The following DUOX1 variants were observed in gnomAD, a reference collection of about 807,000 sequenced individuals.
The protein encoded by DUOX1 is NADPH thyroid oxidase 1.
A neutral mutation model predicts 181.8 loss-of-function variants in DUOX1; 134 were observed. That is an observed-to-expected ratio of 0.74 (90% confidence interval 0.64 to 0.85). The LOEUF is 0.85. Among genes scored for constraint, DUOX1 ranks in the 40% least tolerant of loss-of-function variants. The probability of loss-of-function intolerance (pLI) is 0.00; values close to 1 mark genes in which losing one functional copy is unlikely to be tolerated. For missense variants in DUOX1, 1,814 were observed against 2,064.4 expected (o/e 0.88, Z 2.35); for synonymous variants, 798 against 832.5 (o/e 0.96, Z 0.71).
Position 45,145,055 on chromosome 15 carries a change from C to T in DUOX1, c.2297C>T (p.Thr766Ile). The change falls in exon 18 of 34, where the codon ACC (threonine) becomes ATC (isoleucine). Residue 766 changes from threonine (T) to isoleucine (I), a missense_variant. Thr to Ile is a moderately conservative substitution (Grantham distance 89). Coordinates refer to ENST00000389037, the MANE Select transcript of DUOX1 (RefSeq NM_175940.3). ...TREQRRHLLE[T>I]FFRHLFSQVL... ...GAGCAGCGGAGGCACCTCCTGGAGA[C>T]CTTTTTCAGGCACCTTTTCTCCCAG... 6.2e-7 allele frequency: 1 copy of T among 1,608,770 alleles called. No homozygotes were observed. The highest frequency in any genetic ancestry group is 1.1e-5 in the South Asian group (1 of 90,182).
intron 1 of DUOX1, 78 bp from the exon 2 acceptor site, chr15:45,131,840 G>A: frequency 9.7e-7 from 1 of 1,028,140 alleles, no homozygotes; most frequent in Non-Finnish European, 1.5e-6. Context: ...CCCAGGCCTT[G>A]ATTCACAGAG....
In DUOX1 at chr15:45,151,892, C is replaced by T; in HGVS notation, c.3033C>T (p.Pro1011=). 2 of 1,613,050 alleles carry T rather than the reference C, an allele frequency of 1.2e-6. No individual in the cohort carries two copies. Among genetic ancestry groups the T allele is most frequent in the Non-Finnish European group, 1.7e-6 (2 of 1,179,542 alleles). ...CTCCCAGGGTAACGTCATTCCAGCC[C>T]TTGCTGTTCACTGAGGCGCACCGAG... ...RFGKKVTSFQ[P]LLFTEAHREK... Residue 1011 remains proline, a synonymous_variant, in exon 24 of 34, where the codon CCC becomes CCT. Coordinates refer to ENST00000389037, the MANE Select transcript of DUOX1 (RefSeq NM_175940.3).
chr15:45,163,590 T>A lies in DUOX1; in HGVS notation c.4307T>A (p.Ile1436Asn). The A allele has an allele frequency of 1.2e-6, 2 of 1,614,046 alleles. No individual in the cohort carries two copies. Among genetic ancestry groups the A allele is most frequent in the Non-Finnish European group, 1.7e-6 (2 of 1,179,994 alleles). The part of the protein sequence containing the change: ...QRQFEWLADI[I>N]REVEENDHQD... Reference sequence around the variant, plus strand: ...CAGTTTGAGTGGCTGGCTGACATCATCCGAGAGGTGGAGGAGAATGACCAC... The same window carrying A: ...CAGTTTGAGTGGCTGGCTGACATCAACCGAGAGGTGGAGGAGAATGACCAC... The change falls in exon 32 of 34, where the codon ATC (isoleucine) becomes AAC (asparagine). Residue 1436 changes from isoleucine (I) to asparagine (N), a missense_variant. Coordinates refer to ENST00000389037, the MANE Select transcript of DUOX1 (RefSeq NM_175940.3).
intron 21 of DUOX1, 164 bp from the exon 22 acceptor site, chr15:45,150,468 T>C (rs547219444): frequency 3.2e-4 from 206 of 639,944 alleles, no homozygotes; most frequent in Middle Eastern, 8.6e-4. Context: ...CCAGCTCCCA[T>C]TGGGGACAAG....
At chr15:45,148,560 A>G in intron 21 of DUOX1, 113 bp downstream of exon 21, 1 of 1,236,246 alleles carries the variant, frequency 8.1e-7, no homozygotes, top group Non-Finnish European at 1.1e-6. Context: ...AATCAGAAGA[A>G]AAAAATGAAT....
At chr15:45,132,833 A>G (rs1298143672) in intron 2 of DUOX1, among the ~76,000 whole-genome samples, 1 of 152,204 alleles carries the variant, frequency 6.6e-6, no homozygotes, top group African/African-American at 2.4e-5. Flanking sequence ...CTGTCCTGCA[A>G]AGGCTCTCTC....
chr15:45,153,546 G>A (rs907136249), intron 26 of DUOX1, 67 bp downstream of exon 26: 19 of 277,864 alleles, frequency 6.8e-5, no homozygotes, highest in South Asian at 3.1e-4. Context: ...GTGTGTGTGT[G>A]TATAATGGGG....
At chr15:45,152,253 A>T in intron 24 of DUOX1, 33 bp from the exon 25 acceptor site, 1 of 1,589,846 alleles carries the variant, frequency 6.3e-7, no homozygotes, top group Admixed American at 1.7e-5. Flanking sequence ...CTCTGCACTG[A>T]CCCTCGCTTG....
intron 27 of DUOX1, among the ~76,000 whole-genome samples, chr15:45,154,786 C>T (rs1472854529): frequency 6.6e-6 from 1 of 152,150 alleles, no homozygotes; most frequent in African/African-American, 2.4e-5. Flanking sequence ...ATCTTCTTAA[C>T]TTCTGCCTCT....
chr15:45,141,208 T>G, intron 13 of DUOX1, 84 bp from the exon 14 acceptor site: 1 of 1,575,450 alleles, frequency 6.3e-7, no homozygotes, highest in Admixed American at 1.7e-5. Flanking sequence ...TGGGTCTCTT[T>G]TCTCACCTGG....
At chr15:45,146,550 T>C (rs907408437) in intron 18 of DUOX1, among the ~76,000 whole-genome samples, 3 of 152,210 alleles carry the variant, frequency 2.0e-5, no homozygotes, top group Admixed American at 2.0e-4. Context: ...ACCACTTTTG[T>C]TGATCTCGCA....
intron 4 of DUOX1, 71 bp downstream of exon 4, chr15:45,134,380 C>T (rs1896232437): frequency 6.7e-6 from 10 of 1,486,612 alleles, no homozygotes; most frequent in South Asian, 1.3e-5. Flanking sequence ...GAAGAGGGGT[C>T]AGAGGATGAG....
rs1475637364 is a variant in DUOX1 at position 45,130,016 on chromosome 15, CGA to C, written c.-126_-125del. 1 of 152,260 alleles carries C rather than the reference CGA, an allele frequency of 6.6e-6. No homozygotes were observed. The highest frequency in any genetic ancestry group is 1.5e-5 in the Non-Finnish European group (1 of 68,088). 9.4% of individuals were successfully genotyped at this position (152,260 alleles called of 1,614,324 possible). ...GGCGCAGAGCTGCAGAGGCACCGGACGAGAGAGGGCTCCGCGGGCCCAGCTGG... is the reference window on the plus strand; with the variant it reads ...GGCGCAGAGCTGCAGAGGCACCGGACGAGAGGGCTCCGCGGGCCCAGCTGG... On this transcript the variant is annotated 5_prime_UTR_variant, in exon 1 of 34. Coordinates refer to ENST00000389037, the MANE Select transcript of DUOX1 (RefSeq NM_175940.3).
chr15:45,137,496 T>C (rs990885421), intron 9 of DUOX1, among the ~76,000 whole-genome samples: 3 of 152,114 alleles, frequency 2.0e-5, no homozygotes, highest in Non-Finnish European at 2.9e-5. Context: ...TTAGATTTAC[T>C]CTGGAATAAT....
At chr15:45,130,703 T>C (rs938329922) in intron 1 of DUOX1, among the ~76,000 whole-genome samples, 9 of 152,248 alleles carry the variant, frequency 5.9e-5, no homozygotes, top group Non-Finnish European at 1.3e-4. Context: ...TTATTAAGCA[T>C]GTCCACCTTC....
At chr15:45,135,394 C>A (rs1197696765) in intron 5 of DUOX1, 80 bp from the exon 6 acceptor site, 1 of 1,500,986 alleles carries the variant, frequency 6.7e-7, no homozygotes, top group Non-Finnish European at 8.8e-7. Context: ...ACTCCCCAGC[C>A]GCGGACACCC....
At position 45,152,266 on chromosome 15, in the gene DUOX1, TGCCTG is replaced by T; in HGVS notation, c.3194-18_3194-14del. 1 of 1,607,404 alleles carries T rather than the reference TGCCTG, an allele frequency of 6.2e-7. No individual in the cohort carries two copies. The highest frequency in any genetic ancestry group is 8.5e-7 in the Non-Finnish European group (1 of 1,175,938). On this transcript the variant is annotated splice_polypyrimidine_tract_variant and intron_variant, in intron 24 of 33. Coordinates refer to ENST00000389037, the MANE Select transcript of DUOX1 (RefSeq NM_175940.3). ...TCCTCTGCACTGACCCTCGCTTGCC[TGCCTG>T]GGCCCCCTCCACAGACTACGCCTTT...
At chr15:45,160,378 G>A (rs564780952) in intron 28 of DUOX1, among the ~76,000 whole-genome samples, 2 of 152,346 alleles carry the variant, frequency 1.3e-5, no homozygotes, top group East Asian at 3.9e-4. Flanking sequence ...TTGAGGAACA[G>A]GGAGGGGAGA....
intron 12 of DUOX1, chr15:45,140,038 A>G: frequency 7.3e-7 from 1 of 1,364,000 alleles, no homozygotes; most frequent in Non-Finnish European, 9.9e-7. Context: ...GCGGAGGCCC[A>G]GCATGCCTTA....
Sources: allele counts gnomAD v4.1 joint callset (sites outside exome capture counted in the v4.1 genomes callset), GRCh38; gene constraint gnomAD v4.1.1; transcripts MANE v1.5; gene names NCBI Gene and HGNC (gene_info 2026-07-23, HGNC 2026-07-21).